Variants in MOCS1 observed in about 807,000 individuals in gnomAD.
The protein encoded by MOCS1 is molybdenum cofactor biosynthesis protein 1.
Under a neutral mutation model 57.6 loss-of-function variants are expected in MOCS1, and 39 were observed. The observed-to-expected ratio is 0.68, with a 90% confidence interval of 0.52 to 0.88. The LOEUF is 0.88. Ranked by LOEUF, MOCS1 falls within the 40% of genes least tolerant of loss-of-function variation. The pLI is 0.00. For missense variants in MOCS1, 795 were observed against 831.1 expected (o/e 0.96, Z 0.53); for synonymous variants, 334 against 335.7 (o/e 1.00, Z 0.05).
chr6:39,918,137 C>T (rs1048741219), intron 3 of MOCS1, among the ~76,000 whole-genome samples: 8 of 152,204 alleles, frequency 5.3e-5, no homozygotes, highest in African/African-American at 1.9e-4. Context: ...CACATACACA[C>T]CCCTCCCCCT....
chr6:39,927,114 T>A (rs1023281534), intron 2 of MOCS1: 20 of 572,964 alleles, frequency 3.5e-5, no homozygotes, highest in South Asian at 8.4e-5. Flanking sequence ...TCAAATCTAA[T>A]TCCAAGTAGG....
At chr6:39,916,315 G>T in intron 3 of MOCS1, 83 bp from the exon 4 acceptor site, 1 of 1,543,420 alleles carries the variant, frequency 6.5e-7, no homozygotes, top group Non-Finnish European at 8.8e-7. Context: ...AAAACTCTTT[G>T]TCCAGACAAG....
At chr6:39,930,793 C>T (rs1415703361) in intron 1 of MOCS1, among the ~76,000 whole-genome samples, 2 of 152,174 alleles carry the variant, frequency 1.3e-5, no homozygotes, top group African/African-American at 2.4e-5. Flanking sequence ...GTTCTGAGCA[C>T]AGGATTTGGA....
At chr6:39,931,245 G>A (rs576408135) in intron 1 of MOCS1, among the ~76,000 whole-genome samples, 9 of 152,144 alleles carry the variant, frequency 5.9e-5, no homozygotes, top group African/African-American at 1.7e-4. Context: ...GAGTTAAAGC[G>A]GGACCCTGCC....
At chr6:39,924,264 G>C (rs1046649180) in intron 3 of MOCS1, among the ~76,000 whole-genome samples, 2 of 152,182 alleles carry the variant, frequency 1.3e-5, no homozygotes, top group Non-Finnish European at 2.9e-5. Flanking sequence ...TCTTGTAAGA[G>C]GCACAGTGGA....
In MOCS1 at chr6:39,922,865, CA is replaced by C. The variant is rs554730676; in HGVS notation, c.418+2812del. On this transcript the variant is annotated intron_variant, in intron 3 of 10. Coordinates refer to ENST00000340692, the MANE Select transcript of MOCS1 (RefSeq NM_001358530.2). The stretch of plus-strand genomic sequence containing the variant: ...CAAAACCCTCACGTGAGAGGGTAGG[CA>C]CAAGTGTTCGTGAACATCCTGGCCC... Among the ~76,000 whole-genome samples the C allele has an allele frequency of 5.3e-5, 8 of 152,314 alleles. No individual in the cohort carries two copies. The South Asian group carries it at 6.2e-4, about 12-fold the overall frequency.
intron 10 of MOCS1, 64 bp from the exon 11 acceptor site, chr6:39,907,181 T>A: frequency 6.6e-7 from 1 of 1,508,964 alleles, no homozygotes; most frequent in Non-Finnish European, 8.9e-7. Flanking sequence ...TTCCCACCTC[T>A]ACTCCCCAAC....
chr6:39,907,610 C>T (rs1367743991), intron 10 of MOCS1, among the ~76,000 whole-genome samples: 8 of 152,178 alleles, frequency 5.3e-5, no homozygotes, highest in African/African-American at 1.9e-4. Flanking sequence ...TTGTGATCTA[C>T]TTAAATGTTT....
intron 3 of MOCS1, among the ~76,000 whole-genome samples, chr6:39,917,493 A>T (rs894785521): frequency 2.0e-5 from 3 of 152,140 alleles, no homozygotes; most frequent in Non-Finnish European, 4.4e-5. Flanking sequence ...AGTCCTGGTG[A>T]CACTCAGCAG....
chr6:39,916,266 T>G (rs1204350849), intron 3 of MOCS1, 34 bp from the exon 4 acceptor site: 2 of 1,611,436 alleles, frequency 1.2e-6, no homozygotes, highest in Non-Finnish European at 1.7e-6. Context: ...TCAGACTGCT[T>G]GCTTGTTCTT....
In MOCS1 at chr6:39,905,331, T is replaced by C. The variant is rs1291184051; in HGVS notation, c.*1026A>G. On this transcript the variant is annotated 3_prime_UTR_variant, in exon 11 of 11. Coordinates refer to ENST00000340692, the MANE Select transcript of MOCS1 (RefSeq NM_001358530.2). The stretch of plus-strand genomic sequence containing the variant: ...TTAGATGGTGCATTTCTATGCCCCC[T>C]ACTCCACTTTATTTTCCCATAGCGG... 2.2e-6 allele frequency: 1 copy of C among 457,122 alleles called. No homozygotes were observed. Among genetic ancestry groups the C allele is most frequent in the Non-Finnish European group, 4.4e-6 (1 of 226,962 alleles). The allele number at this position is 457,122 out of a possible 1,614,324, so 28.3% of individuals were successfully genotyped here.
chr6:39,921,497 C>T (rs1767970100), intron 3 of MOCS1, among the ~76,000 whole-genome samples: 1 of 152,104 alleles, frequency 6.6e-6, no homozygotes, highest in African/African-American at 2.4e-5. Context: ...GCAAGTCATA[C>T]ATGGATCAAT....
Position 39,906,577 on chromosome 6 carries a change from A to C in MOCS1, c.1691T>G (p.Val564Gly). 6.2e-7 allele frequency: 1 copy of C among 1,613,816 alleles called. No individual in the cohort carries two copies. The highest frequency in any genetic ancestry group is 8.5e-7 in the Non-Finnish European group (1 of 1,180,026). The change falls in exon 11 of 11, where the codon GTG becomes GGG. Residue 564 changes from valine (V) to glycine (G), a missense_variant. Physicochemically the swap from Val to Gly is moderately radical, Grantham distance 109. Transcript: ENST00000340692. ...CHHVALSHIQ[V>G]QLELDSTRHA... ...GCGTGTGCTGTCCAGCTCCAGCTGC[A>C]CCTGGATGTGGCTCAGGGCCACGTG...
intron 5 of MOCS1, 22 bp downstream of exon 5, chr6:39,913,752 T>C: frequency 6.2e-7 from 1 of 1,613,892 alleles, no homozygotes; most frequent in Non-Finnish European, 8.5e-7. Context: ...GTCGGGAATC[T>C]ACGGCAGGGG....
rs757482341 is a variant in MOCS1, at chr6:39,905,563, G to T, written c.*794C>A. The T allele has an allele frequency of 5.1e-5, 24 of 471,044 alleles. No individual in the cohort carries two copies. The Middle Eastern group carries it at 9.7e-4, about 19-fold the overall frequency. The allele number at this position is 471,044 out of a possible 1,614,324, so 29.2% of individuals were successfully genotyped here. On this transcript the variant is annotated 3_prime_UTR_variant, in exon 11 of 11. Coordinates refer to ENST00000340692, the MANE Select transcript of MOCS1 (RefSeq NM_001358530.2). ...GTAGCTTTATTTGTGCGCTGTGAGG[G>T]TGAAGGCAATCTATCATCAACTTTT...
At chr6:39,912,395 G>T in intron 7 of MOCS1, 21 bp from the exon 8 acceptor site, 1 of 1,555,500 alleles carries the variant, frequency 6.4e-7, no homozygotes, top group East Asian at 2.2e-5. Context: ...GAGAGTGGGA[G>T]CAAAAGGGCA....
In MOCS1 at chr6:39,934,401, A is replaced by T. The variant is rs1017549561; in HGVS notation, c.17T>A (p.Leu6Gln). 2 of 1,565,546 alleles carry T rather than the reference A, an allele frequency of 1.3e-6. No individual in the cohort carries two copies. The highest frequency in any genetic ancestry group is 4.7e-5 in the East Asian group (2 of 42,866). ...CAGAAGCCGCCGCAGCATCCGGGAC[A>T]GTGGCCGCGCCGCCATGAAGCCTGA... MAARP[L>Q]SRMLRRLLRS... The change falls in exon 1 of 11, where the codon CTG becomes CAG. Residue 6 changes from leucine (L) to glutamine (Q), a missense_variant. Leu to Gln is a moderately radical substitution (Grantham distance 113). This residue lies in a region of MOCS1 where 416 missense variants were observed against 392.4 expected (regional missense o/e 1.06). Coordinates refer to ENST00000340692, the MANE Select transcript of MOCS1 (RefSeq NM_001358530.2).
chr6:39,916,927 T>C (rs1247997483), intron 3 of MOCS1, among the ~76,000 whole-genome samples: 1 of 152,170 alleles, frequency 6.6e-6, no homozygotes, highest in Non-Finnish European at 1.5e-5. Flanking sequence ...AGTAGTCACA[T>C]GTACAGGAGC....
At chr6:39,925,418 G>A (rs1243586583) in intron 3 of MOCS1, among the ~76,000 whole-genome samples, 1 of 152,178 alleles carries the variant, frequency 6.6e-6, no homozygotes, top group East Asian at 1.9e-4. Context: ...GCCTCCTGGA[G>A]GACCTTGGTC....
Sources: allele counts gnomAD v4.1 joint callset (sites outside exome capture counted in the v4.1 genomes callset), GRCh38; gene constraint gnomAD v4.1.1; regional missense constraint gnomAD v4.1.1; transcripts MANE v1.5; gene names NCBI Gene and HGNC (gene_info 2026-07-23, HGNC 2026-07-21).